UBLCP1: variants seen among roughly 807,000 people sequenced by gnomAD.
The protein encoded by UBLCP1 is ubiquitin like domain containing CTD phosphatase 1.
Under a neutral mutation model 42.4 loss-of-function variants are expected in UBLCP1, and 28 were observed. That is an observed-to-expected ratio of 0.66 (90% confidence interval 0.49 to 0.90). The LOEUF (loss-of-function observed/expected upper bound fraction) is 0.90, where lower values mean the gene tolerates loss of function less well. Ranked by LOEUF, UBLCP1 falls within the 40% of genes least tolerant of loss-of-function variation. The probability of loss-of-function intolerance (pLI) is 0.00; values close to 1 mark genes in which losing one functional copy is unlikely to be tolerated. For missense variants in UBLCP1, 279 were observed against 374.5 expected, an observed-to-expected ratio of 0.75 and a Z score of 2.10; for synonymous variants, 122 against 120.8, an observed-to-expected ratio of 1.01 and a Z score of -0.07.
At chr5:159,279,931 A>G (rs1001465882) in intron 9 of UBLCP1, among the ~76,000 whole-genome samples, 3 of 152,076 alleles carry the variant, frequency 2.0e-5, no homozygotes, top group African/African-American at 7.2e-5. Context: ...AAAAAATACA[A>G]TCATTAGTTT....
chr5:159,270,336 A>G, intron 3 of UBLCP1, 24 bp from the exon 4 acceptor site: 1 of 1,581,826 alleles, frequency 6.3e-7, no homozygotes, highest in Non-Finnish European at 8.7e-7. Context: ...ATATGGTAGA[A>G]CAAAACTTTT....
intron 9 of UBLCP1, among the ~76,000 whole-genome samples, chr5:159,280,324 A>G (rs1172635449): frequency 6.6e-6 from 1 of 152,184 alleles, no homozygotes; most frequent in Non-Finnish European, 1.5e-5. Flanking sequence ...GGGTTTTCTG[A>G]CAGGGTCTTG....
rs900354751 is a variant in UBLCP1, at chr5:159,285,100, C to A, written c.*169C>A. ...ATTTTATATTTTTTGAAGATGATAG[C>A]AATATGCTAAAAAATGCTTGTCCCC... On this transcript the variant is annotated 3_prime_UTR_variant, in exon 11 of 11. Transcript: ENST00000296786. The A allele has an allele frequency of 3.5e-6, 2 of 574,018 alleles. No homozygotes were observed. Among genetic ancestry groups the A allele is most frequent in the Non-Finnish European group, 6.0e-6 (2 of 333,818 alleles). The allele number at this position is 574,018 out of a possible 1,614,324, so 35.6% of individuals were successfully genotyped here.
chr5:159,264,740 C>T (rs1158574106), intron 1 of UBLCP1, among the ~76,000 whole-genome samples: 1 of 152,162 alleles, frequency 6.6e-6, no homozygotes, highest in African/African-American at 2.4e-5. Flanking sequence ...TTCTCTCCAC[C>T]CCAATTACAT....
chr5:159,274,547 T>C (rs745755698), intron 6 of UBLCP1, 38 bp from the exon 7 acceptor site: 1 of 1,565,966 alleles, frequency 6.4e-7, no homozygotes, highest in Non-Finnish European at 8.7e-7. Flanking sequence ...AAATTCAAGC[T>C]TTTCATATGT....
chr5:159,274,403 A>G (rs917625504), intron 6 of UBLCP1, 182 bp from the exon 7 acceptor site: 3 of 500,166 alleles, frequency 6.0e-6, no homozygotes, highest in Non-Finnish European at 1.1e-5. Flanking sequence ...TGTCTTGAAG[A>G]CACACTGCAG....
At chr5:159,274,929 T>C (rs1753514746) in intron 7 of UBLCP1, among the ~76,000 whole-genome samples, 1 of 152,224 alleles carries the variant, frequency 6.6e-6, no homozygotes, top group African/African-American at 2.4e-5. Flanking sequence ...AGTATTCTCC[T>C]AAAATGGTAA....
At chr5:159,272,528 C>T (rs948717545) in intron 6 of UBLCP1, among the ~76,000 whole-genome samples, 1 of 152,082 alleles carries the variant, frequency 6.6e-6, no homozygotes, top group South Asian at 2.1e-4. Context: ...TGCTGGATTA[C>T]AGGCATAAGC....
intron 1 of UBLCP1, among the ~76,000 whole-genome samples, chr5:159,263,895 CT>C (rs1320187880): frequency 6.6e-6 from 1 of 152,190 alleles, no homozygotes; most frequent in African/African-American, 2.4e-5. Flanking sequence ...TCATTTGCCA[CT>C]TTTTAGGTTT....
At chr5:159,269,112 G>T in intron 2 of UBLCP1, 43 bp downstream of exon 2, 4 of 1,389,982 alleles carry the variant, frequency 2.9e-6, no homozygotes, top group Non-Finnish European at 2.9e-6. Context: ...TGAATTTTTA[G>T]TATTATGAAT....
chr5:159,283,133 C>G (rs1584742582), intron 9 of UBLCP1, 79 bp from the exon 10 acceptor site: 1 of 1,410,564 alleles, frequency 7.1e-7, no homozygotes. Context: ...CTCATTAACT[C>G]TAATTGAAAT....
intron 9 of UBLCP1, among the ~76,000 whole-genome samples, chr5:159,280,947 G>A (rs1753599809): frequency 6.6e-6 from 1 of 152,202 alleles, no homozygotes; most frequent in African/African-American, 2.4e-5. Flanking sequence ...TTCTAAAAAT[G>A]CTTCCTTGAC....
At chr5:159,277,825 G>T (rs1452749564) in intron 8 of UBLCP1, among the ~76,000 whole-genome samples, 1 of 151,278 alleles carries the variant, frequency 6.6e-6, no homozygotes, top group Non-Finnish European at 1.5e-5. Flanking sequence ...GTTTTTTTTT[G>T]ACTAGGGTGT....
intron 9 of UBLCP1, 145 bp downstream of exon 9, chr5:159,278,499 A>G (rs1044166012): frequency 2.9e-6 from 2 of 684,198 alleles, no homozygotes; most frequent in African/African-American, 1.8e-5. Flanking sequence ...AATAATTCAT[A>G]TAGAAATTGA....
Position 159,275,131 on chromosome 5 carries a change from A to T in UBLCP1, c.586-17A>T. 2 of 1,606,286 alleles carry T rather than the reference A, an allele frequency of 1.2e-6. No homozygotes were observed. The highest frequency in any genetic ancestry group is 2.7e-5 in the African/African-American group (2 of 74,834). On this transcript the variant is annotated splice_polypyrimidine_tract_variant and intron_variant, in intron 7 of 10. Transcript: ENST00000296786. ...CACACTACTATGTTTTAACCTCACA[A>T]ATATTTGTGTTTATAGGAGCTGGGA... is the stretch of plus-strand genomic sequence containing the variant.
At position 159,284,928 on chromosome 5, in the gene UBLCP1, G is replaced by A. The variant is rs780295579; in HGVS notation, c.954G>A (p.Gln318=). 1.2e-6 allele frequency: 2 copies of A among 1,612,730 alleles called. No individual in the cohort carries two copies. Among genetic ancestry groups the A allele is most frequent in the African/African-American group, 1.3e-5 (1 of 74,880 alleles). The change falls in exon 11 of 11, where the codon CAG becomes CAA. Residue 318 remains glutamine, a synonymous_variant. Transcript: ENST00000296786. ...GATATCTCTCAAAGAAGCAAGGACA[G>A]TAGTTACAAGTTATACTGGCAGTTA... is the stretch of plus-strand genomic sequence containing the variant. ...WERYLSKKQG[Q] is the part of the protein sequence containing the mutation.
At chr5:159,271,052 T>C (rs998698868) in intron 5 of UBLCP1, among the ~76,000 whole-genome samples, 1 of 152,138 alleles carries the variant, frequency 6.6e-6, no homozygotes, top group East Asian at 1.9e-4. Context: ...CATTTAACCA[T>C]GTTATTCCCT....
At chr5:159,284,181 C>A (rs1753642653) in intron 10 of UBLCP1, among the ~76,000 whole-genome samples, 1 of 152,122 alleles carries the variant, frequency 6.6e-6, no homozygotes, top group Non-Finnish European at 1.5e-5. Flanking sequence ...CTTTAAATTG[C>A]AAATGATGTA....
chr5:159,266,160 G>T (rs1469936126), intron 1 of UBLCP1, among the ~76,000 whole-genome samples: 1 of 152,188 alleles, frequency 6.6e-6, no homozygotes, highest in Non-Finnish European at 1.5e-5. Flanking sequence ...GGAAAGTTTG[G>T]AACTTCCTAG....
Sources: gnomAD v4.1 joint callset for allele counts (sites outside exome capture counted in the v4.1 genomes callset) on GRCh38, gnomAD v4.1.1 for gene constraint, MANE v1.5 for transcripts, NCBI Gene and HGNC (gene_info 2026-07-23, HGNC 2026-07-21) for gene names.